The following CSMD1 variants were observed in gnomAD, a reference collection of about 807,000 sequenced individuals.
CSMD1 encodes the protein CUB and Sushi multiple domains 1.
CSMD1 carries 213 observed loss-of-function variants against 417.5 expected under a neutral mutation model. The observed-to-expected ratio is 0.51, with a 90% CI of 0.46 to 0.57. CSMD1 has a LOEUF of 0.57. Among genes scored for constraint, CSMD1 ranks in the 20% least tolerant of loss-of-function variants. The pLI is 0.00. For synonymous variants in CSMD1, 2,862 were observed against 1,736.8 expected, an observed-to-expected ratio of 1.65 and a Z score of -16.11; for missense variants, 6,923 against 4,529.7, an observed-to-expected ratio of 1.53 and a Z score of -15.17.
intron 3 of CSMD1, among the ~76,000 whole-genome samples, chr8:4,316,060 T>A (rs1167419508): frequency 1.3e-5 from 2 of 152,130 alleles, no homozygotes; most frequent in African/African-American, 2.4e-5. Flanking sequence ...AATATATGAA[T>A]CCTTGAGTAG....
At chr8:4,426,719 T>C (rs1459250818) in intron 2 of CSMD1, among the ~76,000 whole-genome samples, 1 of 147,552 alleles carries the variant, frequency 6.8e-6, no homozygotes, top group East Asian at 1.9e-4. Flanking sequence ...TAATATTTTA[T>C]TACTATATAC....
At chr8:4,770,910 A>C (rs1478591345) in intron 1 of CSMD1, among the ~76,000 whole-genome samples, 2 of 152,160 alleles carry the variant, frequency 1.3e-5, no homozygotes, top group African/African-American at 4.8e-5. Context: ...GATTTCCCAT[A>C]TATCACACCA....
At chr8:4,771,767 C>A (rs893622906) in intron 1 of CSMD1, among the ~76,000 whole-genome samples, 3 of 152,150 alleles carry the variant, frequency 2.0e-5, no homozygotes, top group African/African-American at 7.2e-5. Context: ...TTTCACAGCG[C>A]AAGTTGTTGA....
rs192263073 is a variant in CSMD1, at chr8:3,967,963, C to G, written c.818+29940G>C. Among the ~76,000 whole-genome samples the G allele has an allele frequency of 3.3e-3, 470 of 142,516 alleles. 3 individuals are homozygous for G. Among genetic ancestry groups the G allele is most frequent in the Non-Finnish European group, 5.8e-3 (386 of 66,836 alleles). 93.5% of individuals were successfully genotyped at this position (142,516 alleles called of 152,430 possible). ...TGTGCGGATCACGAGGTCAGGAGATCGAGACCATCCTGGCCAACACGGTGA... is the reference window on the plus strand; with the variant it reads ...TGTGCGGATCACGAGGTCAGGAGATGGAGACCATCCTGGCCAACACGGTGA... On this transcript the variant is annotated intron_variant, in intron 5 of 69. Transcript: ENST00000635120.
chr8:3,847,996 T>C (rs1157179881), intron 5 of CSMD1, among the ~76,000 whole-genome samples: 1 of 152,206 alleles, frequency 6.6e-6, no homozygotes, highest in African/African-American at 2.4e-5. Context: ...CTATTCTGTG[T>C]ATCTTGGATG....
intron 6 of CSMD1, among the ~76,000 whole-genome samples, chr8:3,735,862 G>A (rs1050026725): frequency 2.0e-5 from 3 of 152,098 alleles, no homozygotes; most frequent in African/African-American, 7.2e-5. Flanking sequence ...TTTATGCCTA[G>A]AATTTTTCTA....
At chr8:4,889,154 AAC>A (rs1460532135) in intron 1 of CSMD1, among the ~76,000 whole-genome samples, 5 of 152,224 alleles carry the variant, frequency 3.3e-5, no homozygotes, top group Admixed American at 2.0e-4. Flanking sequence ...TCACAAAAAG[AAC>A]AAGTTACTTT....
At chr8:4,035,216 G>A (rs1162384645) in intron 3 of CSMD1, among the ~76,000 whole-genome samples, 2 of 152,082 alleles carry the variant, frequency 1.3e-5, no homozygotes, top group African/African-American at 2.4e-5. Flanking sequence ...TATGATGCAC[G>A]TGTCTGTGGT....
intron 30 of CSMD1, 42 bp from the exon 31 acceptor site, chr8:3,205,662 T>C (rs1368485718): frequency 2.1e-6 from 2 of 973,302 alleles, no homozygotes; most frequent in East Asian, 5.3e-5. Context: ...TGTGCAATAA[T>C]AGCGCAGGTG....
At chr8:3,844,124 A>T (rs1803326222) in intron 5 of CSMD1, among the ~76,000 whole-genome samples, 1 of 152,192 alleles carries the variant, frequency 6.6e-6, no homozygotes, top group Non-Finnish European at 1.5e-5. Flanking sequence ...TATACATAAG[A>T]ATAGTACTTT....
intron 3 of CSMD1, among the ~76,000 whole-genome samples, chr8:4,412,316 C>G (rs555143950): frequency 1.3e-5 from 2 of 151,964 alleles, no homozygotes; most frequent in Non-Finnish European, 2.9e-5. Context: ...CTGGACACAG[C>G]GCAAAAGATT....
intron 8 of CSMD1, among the ~76,000 whole-genome samples, chr8:3,593,661 C>T (rs1800960654): frequency 6.6e-6 from 1 of 152,164 alleles, no homozygotes; most frequent in African/African-American, 2.4e-5. Context: ...ATGAGGATCC[C>T]ACAAAAGAAA....
At chr8:3,486,368 C>G (rs1186280582) in intron 11 of CSMD1, among the ~76,000 whole-genome samples, 7 of 152,146 alleles carry the variant, frequency 4.6e-5, no homozygotes, top group African/African-American at 9.7e-5. Context: ...ATGCATGCAT[C>G]TATTGTTTTA....
chr8:4,105,680 C>G (rs1271866284), intron 3 of CSMD1, among the ~76,000 whole-genome samples: 2 of 152,176 alleles, frequency 1.3e-5, no homozygotes, highest in African/African-American at 4.8e-5. Flanking sequence ...GCAGGTTTAC[C>G]TGTCATATTA....
At chr8:3,745,633 G>A (rs980866979) in intron 6 of CSMD1, among the ~76,000 whole-genome samples, 3 of 152,196 alleles carry the variant, frequency 2.0e-5, no homozygotes, top group Non-Finnish European at 4.4e-5. Flanking sequence ...CTGAGACTCT[G>A]AAGCATTTGT....
intron 2 of CSMD1, among the ~76,000 whole-genome samples, chr8:4,445,932 CA>C (rs1563182085): frequency 4.6e-5 from 7 of 152,048 alleles, no homozygotes; most frequent in Admixed American, 3.9e-4. Flanking sequence ...TTCAGCTGGT[CA>C]GAGAAAAAGT....
intron 3 of CSMD1, among the ~76,000 whole-genome samples, chr8:4,111,514 C>A (rs528348121): frequency 6.6e-6 from 1 of 152,236 alleles, no homozygotes; most frequent in Non-Finnish European, 1.5e-5. Flanking sequence ...GACATGGAAT[C>A]CACCCAAACG....
intron 2 of CSMD1, among the ~76,000 whole-genome samples, chr8:4,595,387 C>CTTTTTTTTTTTTTTTTCTTTT: frequency 6.8e-4 from 100 of 147,128 alleles, no homozygotes; most frequent in Admixed American, 8.2e-4. Flanking sequence ...CATTCATTTT[C>CTTTTTTTTTTTTTTTTCTTTT]ATTCCATCCA....
chr8:3,164,418 G>T (rs1045561192), intron 37 of CSMD1, among the ~76,000 whole-genome samples: 1 of 152,266 alleles, frequency 6.6e-6, no homozygotes, highest in African/African-American at 2.4e-5. Context: ...TTACATAGAA[G>T]ATAAAACTGC....
Sources: gnomAD v4.1 joint callset for allele counts (sites outside exome capture counted in the v4.1 genomes callset) on GRCh38, gnomAD v4.1.1 for gene constraint, MANE v1.5 for transcripts, NCBI Gene and HGNC (gene_info 2026-07-23, HGNC 2026-07-21) for gene names.